CNTNAP2: variants seen among roughly 807,000 people sequenced by gnomAD.
CNTNAP2 encodes the protein contactin-associated protein-like 2.
A neutral mutation model predicts 155.2 loss-of-function variants in CNTNAP2; 98 were observed. The ratio of observed to expected loss-of-function variants is 0.63; its 90% CI spans 0.54 to 0.75. The LOEUF (loss-of-function observed/expected upper bound fraction) is 0.75. CNTNAP2 is among the 30% of genes least tolerant of loss of function. CNTNAP2 has a pLI of 0.00. For missense variants in CNTNAP2, 1,727 were observed against 1,688.1 expected (o/e 1.02, Z -0.40); for synonymous variants, 651 against 631.2 (o/e 1.03, Z -0.47).
At chr7:146,123,177 TG>T (rs1355309274) in intron 1 of CNTNAP2, among the ~76,000 whole-genome samples, 1 of 152,144 alleles carries the variant, frequency 6.6e-6, no homozygotes, top group Non-Finnish European at 1.5e-5. Flanking sequence ...GTAAAAATGT[TG>T]AAAAAATACA....
intron 14 of CNTNAP2, among the ~76,000 whole-genome samples, chr7:147,952,165 A>G (rs558991232): frequency 3.1e-4 from 46 of 148,928 alleles, no homozygotes; most frequent in African/African-American, 1.1e-3. Flanking sequence ...CTTTTCGGCC[A>G]GGCACGGTGG....
intron 1 of CNTNAP2, among the ~76,000 whole-genome samples, chr7:146,760,381 A>G (rs1362790223): frequency 8.4e-6 from 1 of 119,524 alleles, no homozygotes; most frequent in Non-Finnish European, 1.7e-5. Flanking sequence ...CACTGCCTTC[A>G]TTCACCTCTG....
At chr7:147,378,019 G>T (rs1217405954) in intron 9 of CNTNAP2, 1 of 467,766 alleles carries the variant, frequency 2.1e-6, no homozygotes, top group Non-Finnish European at 4.4e-6. Context: ...TCTCTCCTCT[G>T]AAATTCTATT....
chr7:146,198,086 T>G (rs755932550), intron 1 of CNTNAP2, among the ~76,000 whole-genome samples: 1 of 152,030 alleles, frequency 6.6e-6, no homozygotes, highest in Admixed American at 6.6e-5. Flanking sequence ...ACCCCCATGA[T>G]CCAATCACCT....
Position 146,839,780 on chromosome 7 carries a change from A to G in CNTNAP2, c.278A>G (p.Lys93Arg). 6.2e-7 allele frequency: 1 copy of G among 1,614,186 alleles called. No homozygotes were observed. The highest frequency in any genetic ancestry group is 8.5e-7 in the Non-Finnish European group (1 of 1,180,036). Residue 93 changes from lysine to arginine, a missense_variant, in exon 3 of 24, where the codon AAG becomes AGG. Coordinates refer to ENST00000361727, the MANE Select transcript of CNTNAP2 (RefSeq NM_014141.6). ...CTTCAGGTTGACTTTGGCAATCGGA[A>G]GCAGATCAGTGCCATTGCAACCCAA... ...QWLQVDFGNR[K>R]QISAIATQGR... is the part of the protein sequence containing the mutation.
chr7:147,042,694 C>T (rs1362786821), intron 3 of CNTNAP2, among the ~76,000 whole-genome samples: 2 of 152,036 alleles, frequency 1.3e-5, no homozygotes, highest in African/African-American at 4.8e-5. Flanking sequence ...AGACAACATA[C>T]TAACAATGTA....
In CNTNAP2 at chr7:146,564,237, T is replaced by C. The variant is rs140095356; in HGVS notation, c.98-210034T>C. 2.4e-3 allele frequency among the ~76,000 whole-genome samples: 369 copies of C among 152,258 alleles called. 2 individuals carry two copies. Among genetic ancestry groups the C allele is most frequent in the African/African-American group, 8.5e-3 (355 of 41,572 alleles). The stretch of plus-strand genomic sequence containing the variant: ...GGGGCTAATAATGATATGTTACCTC[T>C]TGATATTTTAGAGAGGCAACATTGC... On this transcript the variant is annotated intron_variant, in intron 1 of 23. Coordinates refer to ENST00000361727, the MANE Select transcript of CNTNAP2 (RefSeq NM_014141.6).
chr7:146,499,945 T>G (rs1320545997), intron 1 of CNTNAP2, among the ~76,000 whole-genome samples: 1 of 152,234 alleles, frequency 6.6e-6, no homozygotes, highest in East Asian at 1.9e-4. Flanking sequence ...TGTGTATGTG[T>G]GTGTAATTTA....
At chr7:146,636,271 T>G (rs1799598181) in intron 1 of CNTNAP2, among the ~76,000 whole-genome samples, 1 of 152,108 alleles carries the variant, frequency 6.6e-6, no homozygotes, top group Admixed American at 6.5e-5. Context: ...TTGTCAAAAC[T>G]TATGGAACTG....
intron 21 of CNTNAP2, among the ~76,000 whole-genome samples, chr7:148,327,480 C>G (rs1401713014): frequency 6.6e-6 from 1 of 152,210 alleles, no homozygotes; most frequent in African/African-American, 2.4e-5. Flanking sequence ...CTATCAAGTG[C>G]TATTGAACAC....
intron 9 of CNTNAP2, among the ~76,000 whole-genome samples, chr7:147,356,148 T>C (rs1248680333): frequency 6.6e-6 from 1 of 152,148 alleles, no homozygotes; most frequent in Non-Finnish European, 1.5e-5. Context: ...AATCAATAAA[T>C]GTAATCCATC....
chr7:147,106,185 G>A (rs1325752442), intron 4 of CNTNAP2, among the ~76,000 whole-genome samples: 3 of 152,030 alleles, frequency 2.0e-5, no homozygotes, highest in Admixed American at 2.0e-4. Context: ...AAAACAAGAT[G>A]TGTCTATTAT....
intron 3 of CNTNAP2, among the ~76,000 whole-genome samples, chr7:146,907,543 C>A (rs1449858495): frequency 2.2e-5 from 3 of 135,158 alleles, no homozygotes; most frequent in Non-Finnish European, 3.2e-5. Context: ...TCATATCCAG[C>A]CAAACTAAGC....
In CNTNAP2 at chr7:147,346,335, T is replaced by C. The variant is rs568700876; in HGVS notation, c.1498+46045T>C. 3.1e-3 allele frequency among the ~76,000 whole-genome samples: 462 copies of C among 151,228 alleles called. 3 individuals carry two copies. The highest frequency in any genetic ancestry group is 5.4e-3 in the Non-Finnish European group (365 of 67,806). On this transcript the variant is annotated intron_variant, in intron 9 of 23. Transcript: ENST00000361727. ...GCGCCCGGCTAATTTTTTGTATTTT[T>C]AGTAGAGACGGGGTTTCACCTTGTT...
chr7:146,864,773 T>G (rs1795168863), intron 3 of CNTNAP2, among the ~76,000 whole-genome samples: 1 of 151,834 alleles, frequency 6.6e-6, no homozygotes, highest in Non-Finnish European at 1.5e-5. Flanking sequence ...GAAGATCACT[T>G]GAGACCAGCC....
intron 8 of CNTNAP2, among the ~76,000 whole-genome samples, chr7:147,290,537 G>A (rs745533761): frequency 6.6e-6 from 1 of 151,948 alleles, no homozygotes; most frequent in Non-Finnish European, 1.5e-5. Context: ...AAAAAAATTA[G>A]CCGAGCGTGG....
At chr7:146,858,430 A>T (rs970038282) in intron 3 of CNTNAP2, among the ~76,000 whole-genome samples, 7 of 152,374 alleles carry the variant, frequency 4.6e-5, no homozygotes, top group Non-Finnish European at 8.8e-5. Context: ...TTCGTGGCTC[A>T]TGCCTGTAAT....
intron 2 of CNTNAP2, among the ~76,000 whole-genome samples, chr7:146,832,711 C>A (rs1448338233): frequency 1.3e-5 from 2 of 150,482 alleles, no homozygotes; most frequent in Non-Finnish European, 3.0e-5. Flanking sequence ...GGAAATATTA[C>A]CTTTTAGCTC....
At chr7:146,337,325 A>G (rs112872921) in intron 1 of CNTNAP2, among the ~76,000 whole-genome samples, 2,894 of 151,942 alleles carry the variant, frequency 0.019, 89 homozygotes, top group African/African-American at 0.066. Flanking sequence ...CAAACTACGT[A>G]AAGAGTGTTT....
Sources: allele counts gnomAD v4.1 joint callset (sites outside exome capture counted in the v4.1 genomes callset), GRCh38; gene constraint gnomAD v4.1.1; transcripts MANE v1.5; gene names NCBI Gene and HGNC (gene_info 2026-07-23, HGNC 2026-07-21).